Variants in RASGRF2 observed in about 807,000 individuals in gnomAD.
RASGRF2 encodes the protein ras-specific guanine nucleotide-releasing factor 2.
Under a neutral mutation model 151.0 loss-of-function variants are expected in RASGRF2, and 76 were observed. The observed-to-expected ratio is 0.50, with a 90% CI of 0.42 to 0.61. The LOEUF (loss-of-function observed/expected upper bound fraction) is 0.61. RASGRF2 is among the 20% of genes least tolerant of loss of function. The pLI, the probability that RASGRF2 is intolerant of heterozygous loss-of-function variation, is 0.00. For missense variants in RASGRF2, 1,148 were observed against 1,564.6 expected (o/e 0.73, Z 4.49); for synonymous variants, 504 against 566.5 (o/e 0.89, Z 1.57).
At chr5:81,066,326 C>T (rs1404339743) in intron 2 of RASGRF2, among the ~76,000 whole-genome samples, 11 of 151,894 alleles carry the variant, frequency 7.2e-5, no homozygotes, top group Admixed American at 7.2e-4. Flanking sequence ...CTTTTCTAAC[C>T]CTAACAACAC....
In RASGRF2 at chr5:81,229,905, G is replaced by C. The variant is rs1030315997; in HGVS notation, c.*4135G>C. On this transcript the variant is annotated 3_prime_UTR_variant, in exon 27 of 27. Coordinates refer to ENST00000265080, the MANE Select transcript of RASGRF2 (RefSeq NM_006909.3). The stretch of plus-strand genomic sequence containing the variant: ...GACTGTAAACTGCAAAGTGCTGTCC[G>C]CACATGAGGTCATCTGATTACTGTC... 2 of 152,210 alleles carry C rather than the reference G, an allele frequency of 1.3e-5. No homozygotes were observed. The highest frequency in any genetic ancestry group is 1.5e-5 in the Non-Finnish European group (1 of 68,044). The allele number at this position is 152,210 out of a possible 1,614,324, so 9.4% of individuals were successfully genotyped here.
chr5:81,075,722 G>A (rs752276236), intron 5 of RASGRF2, among the ~76,000 whole-genome samples: 1 of 152,148 alleles, frequency 6.6e-6, no homozygotes, highest in Non-Finnish European at 1.5e-5. Flanking sequence ...GATCTGTTGA[G>A]CGTGAGATGC....
At chr5:81,194,843 C>T (rs116631911) in intron 18 of RASGRF2, among the ~76,000 whole-genome samples, 2,539 of 152,326 alleles carry the variant, frequency 0.017, 88 homozygotes, top group African/African-American at 0.058. Flanking sequence ...GCTGCTCCGC[C>T]TCCACTGCAG....
chr5:81,122,305 G>A (rs751425085), intron 15 of RASGRF2, among the ~76,000 whole-genome samples: 5 of 152,136 alleles, frequency 3.3e-5, no homozygotes, highest in South Asian at 2.1e-4. Flanking sequence ...TATTCTGCTC[G>A]TTCTTACAGA....
At chr5:81,098,696 G>A (rs248993) in intron 12 of RASGRF2, among the ~76,000 whole-genome samples, 2,647 of 152,294 alleles carry the variant, frequency 0.017, 32 homozygotes, top group Non-Finnish European at 0.028. Flanking sequence ...AGTTTGAATG[G>A]TGGGTGGGTA....
chr5:80,966,988 A>G (rs1441541609), intron 1 of RASGRF2, among the ~76,000 whole-genome samples: 2 of 152,242 alleles, frequency 1.3e-5, no homozygotes, highest in African/African-American at 4.8e-5. Flanking sequence ...GGAGGCCTAT[A>G]TAAGAATAAT....
chr5:81,081,861 G>GTGTTTT (rs1252847701), intron 7 of RASGRF2, among the ~76,000 whole-genome samples: 5 of 152,314 alleles, frequency 3.3e-5, no homozygotes, highest in Non-Finnish European at 5.9e-5. Flanking sequence ...AAACTTTATA[G>GTGTTTT]TGTTTTTGTT....
intron 1 of RASGRF2, among the ~76,000 whole-genome samples, chr5:80,978,469 A>G (rs1748196392): frequency 6.6e-6 from 1 of 152,208 alleles, no homozygotes; most frequent in African/African-American, 2.4e-5. Flanking sequence ...CTATGTCTGT[A>G]TATAATAAAT....
chr5:81,183,229 A>G (rs781201411), intron 18 of RASGRF2: 13 of 980,014 alleles, frequency 1.3e-5, no homozygotes, highest in African/African-American at 7.0e-5. Flanking sequence ...ATCCACATCA[A>G]TCAAGATGTA....
At chr5:81,043,579 T>C (rs778359807) in intron 2 of RASGRF2, among the ~76,000 whole-genome samples, 13 of 152,224 alleles carry the variant, frequency 8.5e-5, no homozygotes, top group Non-Finnish European at 1.5e-4. Flanking sequence ...AAACGGGAAC[T>C]AGAAATCTGA....
chr5:81,185,441 G>A (rs778760978), intron 18 of RASGRF2, among the ~76,000 whole-genome samples: 18 of 152,172 alleles, frequency 1.2e-4, no homozygotes, highest in Non-Finnish European at 1.9e-4. Flanking sequence ...GGGGTGACGC[G>A]TAGACAGACG....
intron 2 of RASGRF2, among the ~76,000 whole-genome samples, chr5:81,055,294 A>G (rs549910260): frequency 1.3e-5 from 2 of 152,328 alleles, no homozygotes; most frequent in East Asian, 3.9e-4. Flanking sequence ...ATTTTGAGAT[A>G]CGTCCCATCA....
intron 17 of RASGRF2, among the ~76,000 whole-genome samples, chr5:81,129,794 TG>T (rs1405332420): frequency 2.6e-5 from 4 of 152,206 alleles, no homozygotes; most frequent in African/African-American, 7.2e-5. Flanking sequence ...CTCGCTAGTC[TG>T]CCTTTGGAAA....
chr5:81,051,728 T>C (rs1751016937), intron 2 of RASGRF2, among the ~76,000 whole-genome samples: 1 of 152,250 alleles, frequency 6.6e-6, no homozygotes, highest in African/African-American at 2.4e-5. Context: ...ACTCAGTTGA[T>C]GGCCATTTAG....
Position 81,086,721 on chromosome 5 carries a change from G to C in RASGRF2, c.1272-114G>C. ...TCCAGCCTATTTCCCCCAAACCCCC[G>C]GTTCAATCGATACAAGCTTGCAACC... On this transcript the variant is annotated intron_variant, in intron 8 of 26. Transcript: ENST00000265080. 4.9e-6 allele frequency: 4 copies of C among 824,344 alleles called. No homozygotes were observed. In the South Asian group the frequency reaches 6.8e-5, roughly 14 times the overall value. 51.1% of individuals were successfully genotyped at this position (824,344 alleles called of 1,614,324 possible).
intron 1 of RASGRF2, among the ~76,000 whole-genome samples, chr5:81,035,251 G>A (rs1397504227): frequency 3.3e-5 from 5 of 152,234 alleles, no homozygotes; most frequent in Admixed American, 6.5e-5. Flanking sequence ...AGAAAATGTG[G>A]CACATATATA....
chr5:81,188,673 T>C (rs1755088164), intron 18 of RASGRF2, among the ~76,000 whole-genome samples: 1 of 152,224 alleles, frequency 6.6e-6, no homozygotes, highest in Non-Finnish European at 1.5e-5. Flanking sequence ...AAATATTAAG[T>C]CACTTACTGT....
At position 81,112,772 on chromosome 5, in the gene RASGRF2, C is replaced by A; in HGVS notation, c.2001C>A (p.His667Gln). Reference protein sequence around the residue: ...LSIDFLNTFLHTYRIFTTAAV... With the variant: ...LSIDFLNTFLQTYRIFTTAAV... The stretch of plus-strand genomic sequence containing the variant: ...TTGATTTCCTCAACACCTTTCTGCA[C>A]ACCTATCGTATTTTCACTACTGCCG... The change falls in exon 14 of 27, where the codon CAC becomes CAA. Residue 667 changes from histidine (H) to glutamine (Q), a missense_variant. His to Gln is a conservative substitution (Grantham distance 24). Around this residue, in one of 5 missense-constraint regions of RASGRF2, gnomAD observed 646 missense variants for 807.4 expected, o/e 0.80. Transcript: ENST00000265080. 6.2e-7 allele frequency: 1 copy of A among 1,614,236 alleles called. No individual in the cohort carries two copies.
intron 17 of RASGRF2, among the ~76,000 whole-genome samples, chr5:81,162,267 C>G (rs1399424617): frequency 6.6e-6 from 1 of 151,890 alleles, no homozygotes; most frequent in Non-Finnish European, 1.5e-5. Context: ...AGAAATTATG[C>G]AGATCAGTTA....
Sources: gnomAD v4.1 joint callset for allele counts (sites outside exome capture counted in the v4.1 genomes callset) on GRCh38, gnomAD v4.1.1 for gene constraint, gnomAD v4.1.1 regional missense constraint, MANE v1.5 for transcripts, NCBI Gene and HGNC (gene_info 2026-07-23, HGNC 2026-07-21) for gene names.